RBMS2: variants seen among roughly 807,000 people sequenced by gnomAD.
RBMS2 encodes the protein RNA binding motif single stranded interacting protein 2, also known as RNA-binding motif, single-stranded-interacting protein 2.
Under a neutral mutation model 58.4 loss-of-function variants are expected in RBMS2, and 38 were observed. The observed-to-expected ratio is 0.65, with a 90% confidence interval of 0.50 to 0.85. RBMS2 has a LOEUF of 0.85. Among genes scored for constraint, RBMS2 ranks in the 40% least tolerant of loss-of-function variants. RBMS2 has a pLI of 0.00. For synonymous variants in RBMS2, 151 were observed against 180.7 expected (o/e 0.84, Z 1.32); for missense variants, 367 against 503.7 (o/e 0.73, Z 2.60).
intron 1 of RBMS2, among the ~76,000 whole-genome samples, chr12:56,546,012 C>T (rs77031604): frequency 1.3e-5 from 2 of 151,172 alleles, no homozygotes; most frequent in Non-Finnish European, 1.5e-5. Context: ...TCTTGGCTCA[C>T]TGCAATCTCT....
chr12:56,546,845 T>A (rs1877342066), intron 1 of RBMS2, among the ~76,000 whole-genome samples: 1 of 152,198 alleles, frequency 6.6e-6, no homozygotes, highest in Non-Finnish European at 1.5e-5. Flanking sequence ...AACTTTATGC[T>A]TTAAACATTT....
intron 1 of RBMS2, among the ~76,000 whole-genome samples, chr12:56,559,584 G>T (rs1190658542): frequency 6.7e-6 from 1 of 150,212 alleles, no homozygotes; most frequent in East Asian, 2.1e-4. Flanking sequence ...GGGCGCGGTG[G>T]CTCATGCCTG....
chr12:56,562,567 G>C lies in RBMS2; in HGVS notation c.217G>C (p.Val73Leu), dbSNP rs966354874. The change falls in exon 2 of 14, where the codon GTC (valine) becomes CTC (leucine). Residue 73 changes from valine (V) to leucine (L), a missense_variant. Around this residue, in one of 3 missense-constraint regions of RBMS2, gnomAD observed 93 missense variants for 132.2 expected, o/e 0.70. Coordinates refer to ENST00000262031, the MANE Select transcript of RBMS2 (RefSeq NM_002898.4). ...LQPGTTDQDL[V>L]KLCQPYGKIV... ...ACCAGGCACTACTGACCAAGATCTT[G>C]TCAAGCTGTGTCAGCCGTAAGTTGG... 1.9e-6 allele frequency: 3 copies of C among 1,613,534 alleles called. No homozygotes were observed. In the East Asian group the frequency reaches 6.7e-5, roughly 36 times the overall value.
chr12:56,525,497 C>T (rs1223106383), intron 1 of RBMS2, among the ~76,000 whole-genome samples: 1 of 152,136 alleles, frequency 6.6e-6, no homozygotes, highest in Non-Finnish European at 1.5e-5. Flanking sequence ...GCTGGGATTA[C>T]AGGCGTGAGC....
intron 11 of RBMS2, 45 bp downstream of exon 11, chr12:56,587,709 G>T (rs1196249080): frequency 6.3e-7 from 1 of 1,585,444 alleles, no homozygotes; most frequent in South Asian, 1.1e-5. Context: ...ACTGAGCAAG[G>T]CATACCTGTG....
rs1028665670 is a variant in RBMS2, at chr12:56,578,154, C to G, written c.543-3030C>G. ...TTTTTTTTTTATTTTTTTGAGATGG[C>G]GTCTCGCTCTGTTGCCCAGGCTGGA... On this transcript the variant is annotated intron_variant, in intron 5 of 13. Coordinates refer to ENST00000262031, the MANE Select transcript of RBMS2 (RefSeq NM_002898.4). Among the ~76,000 whole-genome samples the G allele has an allele frequency of 2.0e-5, 3 of 149,350 alleles. 1 individual carries two copies. Among genetic ancestry groups the G allele is most frequent in the African/African-American group, 7.4e-5 (3 of 40,508 alleles).
chr12:56,593,923 C>A lies in RBMS2; in HGVS notation c.*4790C>A, dbSNP rs1283107726. On this transcript the variant is annotated 3_prime_UTR_variant, in exon 14 of 14. Transcript: ENST00000262031. ...CCTGGTGGCTCTAAAGGGTAATAGA[C>A]CTTGTCAGTAACAGATAAGGAGTGG... is the stretch of plus-strand genomic sequence containing the variant. 1 of 152,210 alleles carries A rather than the reference C, an allele frequency of 6.6e-6. No individual in the cohort carries two copies. The allele number at this position is 152,210 out of a possible 1,614,324, so 9.4% of individuals were successfully genotyped here. A position where few individuals can be genotyped will look rare whatever the true frequency, so the allele number is the denominator to read the frequency against.
Position 56,589,009 on chromosome 12 carries a change from G to A in RBMS2, c.1221G>A (p.Lys407=). 5 of 1,614,200 alleles carry A rather than the reference G, an allele frequency of 3.1e-6. No individual in the cohort carries two copies. Among genetic ancestry groups the A allele is most frequent in the Non-Finnish European group, 4.2e-6 (5 of 1,180,018 alleles). The change falls in exon 13 of 14, where the codon AAG becomes AAA. Residue 407 remains lysine, a synonymous_variant. Transcript: ENST00000262031. Reference sequence around the variant, plus strand: ...GGGTCTATTCTTTCCAGTTCAACAAGTAACAGTGGGTAAGAACCACATGCT... The same window carrying A: ...GGGTCTATTCTTTCCAGTTCAACAAATAACAGTGGGTAAGAACCACATGCT... ...EHGVYSFQFN[K]
chr12:56,540,804 T>C (rs1875944023), intron 1 of RBMS2, among the ~76,000 whole-genome samples: 1 of 152,128 alleles, frequency 6.6e-6, no homozygotes, highest in Non-Finnish European at 1.5e-5. Context: ...AATGGTAGAA[T>C]TAAACCTAAA....
At chr12:56,531,288 A>G (rs1000206055) in intron 1 of RBMS2, among the ~76,000 whole-genome samples, 11 of 152,164 alleles carry the variant, frequency 7.2e-5, no homozygotes, top group Admixed American at 5.2e-4. Flanking sequence ...AAAAATATAT[A>G]TCCTAATAAA....
chr12:56,583,098 A>ATTCACTTAGATTCGTT (rs1884201957), intron 9 of RBMS2, among the ~76,000 whole-genome samples: 1 of 152,190 alleles, frequency 6.6e-6, no homozygotes, highest in South Asian at 2.1e-4. Context: ...CAATGGGGGC[A>ATTCACTTAGATTCGTT]TTCACTTAGA....
chr12:56,581,825 C>T lies in RBMS2; in HGVS notation c.733-8C>T, dbSNP rs1443981070. 1 of 1,614,020 alleles carries T rather than the reference C, an allele frequency of 6.2e-7. No homozygotes were observed. Among genetic ancestry groups the T allele is most frequent in the Non-Finnish European group, 8.5e-7 (1 of 1,179,988 alleles). The stretch of plus-strand genomic sequence containing the variant: ...TCACAATGTGAACACTGTGTTCTTT[C>T]TTTATAGGGCGTCATGGCCTTGACC... On this transcript the variant is annotated splice_region_variant and splice_polypyrimidine_tract_variant and intron_variant, in intron 7 of 13. Transcript: ENST00000262031.
chr12:56,570,095 G>A lies in RBMS2; in HGVS notation c.384+105G>A. 3.9e-6 allele frequency: 4 copies of A among 1,013,220 alleles called. No homozygotes were observed. The East Asian group carries it at 7.7e-5, about 19-fold the overall frequency. 62.8% of individuals were successfully genotyped at this position (1,013,220 alleles called of 1,614,324 possible). ...GCTTAAGAACCATGAAATTGAGTGG[G>A]CAAGGGCTATCCGTGGTGCTTTCTA... On this transcript the variant is annotated intron_variant, in intron 4 of 13. Transcript: ENST00000262031.
intron 1 of RBMS2, among the ~76,000 whole-genome samples, chr12:56,535,580 T>G (rs10876902): frequency 2.0e-5 from 3 of 151,250 alleles, no homozygotes; most frequent in African/African-American, 7.3e-5. Flanking sequence ...GGACTGGAAC[T>G]CTCAACTTGG....
chr12:56,558,590 CTTTTTT>C (rs10676323), intron 1 of RBMS2, among the ~76,000 whole-genome samples: 3 of 92,228 alleles, frequency 3.3e-5, no homozygotes, highest in East Asian at 7.3e-4. Flanking sequence ...TTTCTTTTTC[CTTTTTT>C]TTTTTTTTTT....
chr12:56,581,588 C>A, intron 7 of RBMS2, 80 bp downstream of exon 7: 1 of 1,427,462 alleles, frequency 7.0e-7, no homozygotes, highest in Non-Finnish European at 9.8e-7. Context: ...TTTCTGTGAG[C>A]TTAGGTGGAA....
chr12:56,540,125 A>G (rs1464563523), intron 1 of RBMS2, among the ~76,000 whole-genome samples: 1 of 151,700 alleles, frequency 6.6e-6, no homozygotes, highest in Non-Finnish European at 1.5e-5. Context: ...TTATTTTATG[A>G]TTATTTGATT....
At chr12:56,575,080 C>T (rs1407127244) in intron 5 of RBMS2, among the ~76,000 whole-genome samples, 2 of 151,872 alleles carry the variant, frequency 1.3e-5, no homozygotes, top group Non-Finnish European at 2.9e-5. Flanking sequence ...ACCCGGGAGG[C>T]GGAGCTTGCA....
intron 2 of RBMS2, among the ~76,000 whole-genome samples, chr12:56,567,526 G>GT (rs1164100856): frequency 6.6e-6 from 1 of 152,026 alleles, no homozygotes; most frequent in East Asian, 1.9e-4. Flanking sequence ...AATTTAGATG[G>GT]TTTTTTGTTT....
Sources: gnomAD v4.1 joint callset for allele counts (sites outside exome capture counted in the v4.1 genomes callset) on GRCh38, gnomAD v4.1.1 for gene constraint, gnomAD v4.1.1 regional missense constraint, MANE v1.5 for transcripts, NCBI Gene and HGNC (gene_info 2026-07-23, HGNC 2026-07-21) for gene names.